Variants in CFAP46 observed in about 807,000 individuals in gnomAD.
The protein encoded by CFAP46 is cilia- and flagella-associated protein 46.
Under a neutral mutation model 325.7 loss-of-function variants are expected in CFAP46, and 245 were observed. The observed-to-expected ratio is 0.75, with a 90% CI of 0.68 to 0.84. The LOEUF (loss-of-function observed/expected upper bound fraction) is 0.84. CFAP46 is among the 40% of genes least tolerant of loss of function. CFAP46 has a pLI of 0.00. For synonymous variants in CFAP46, 1,523 were observed against 1,495.9 expected (o/e 1.02, Z -0.42); for missense variants, 3,346 against 3,543.0 (o/e 0.94, Z 1.41).
chr10:132,875,901 T>C (rs1848951678), intron 31 of CFAP46, among the ~76,000 whole-genome samples: 1 of 152,188 alleles, frequency 6.6e-6, no homozygotes, highest in African/African-American at 2.4e-5. Flanking sequence ...TAATCCCTGT[T>C]CCCAAAAAGA....
At chr10:132,810,385 G>T in intron 57 of CFAP46, 24 bp downstream of exon 57, 1 of 1,608,974 alleles carries the variant, frequency 6.2e-7, no homozygotes, top group Non-Finnish European at 8.5e-7. Flanking sequence ...GAAGGCCGCG[G>T]GGTGCAGGCC....
intron 8 of CFAP46, among the ~76,000 whole-genome samples, chr10:132,930,558 C>T (rs1849880596): frequency 7.3e-6 from 1 of 137,220 alleles, no homozygotes; most frequent in Non-Finnish European, 1.6e-5. Context: ...GCACACAGAG[C>T]CTGGGCCTTC....
chr10:132,837,927 A>ACGTGTGCACG (rs1266267777), intron 44 of CFAP46, among the ~76,000 whole-genome samples: 1 of 150,962 alleles, frequency 6.6e-6, no homozygotes, highest in Admixed American at 6.6e-5. Context: ...CCAGACACGC[A>ACGTGTGCACG]GACATGCACG....
At chr10:132,852,567 T>C (rs1256582466) in intron 39 of CFAP46, among the ~76,000 whole-genome samples, 2 of 152,204 alleles carry the variant, frequency 1.3e-5, no homozygotes, top group African/African-American at 2.4e-5. Context: ...GGTATGTTTC[T>C]CTATTTACTT....
chr10:132,835,217 C>T, intron 47 of CFAP46, 87 bp downstream of exon 47: 1 of 1,547,454 alleles, frequency 6.5e-7, no homozygotes, highest in Non-Finnish European at 8.7e-7. Flanking sequence ...GCGCCCCGCC[C>T]CTCCCCCCAC....
rs1849815313 is a variant in CFAP46, at chr10:132,926,589, C to T, written c.1044G>A (p.Val348=). 1 of 1,536,088 alleles carries T rather than the reference C, an allele frequency of 6.5e-7. No homozygotes were observed. The highest frequency in any genetic ancestry group is 8.7e-7 in the Non-Finnish European group (1 of 1,146,832). ...TGACCTCAACAGCCGCTCGGTTGTA[C>T]ACTTTCATCTTACTTTCAAGTCTTA... ...EALRLESKMK[V]YNRAAVEAQL... is the part of the protein sequence containing the mutation. The change falls in exon 10 of 58, where the codon GTG becomes GTA. Residue 348 remains valine (V), a synonymous_variant. Coordinates refer to ENST00000368586, the MANE Select transcript of CFAP46 (RefSeq NM_001200049.3).
Position 132,910,181 on chromosome 10 carries a change from G to A in CFAP46, c.2500-113C>T. The A allele has an allele frequency of 4.5e-6, 5 of 1,117,224 alleles. No individual in the cohort carries two copies. The South Asian group carries it at 1.2e-4, about 27-fold the overall frequency. The allele number at this position is 1,117,224 out of a possible 1,614,324, so 69.2% of individuals were successfully genotyped here. On this transcript the variant is annotated intron_variant, in intron 19 of 57. Coordinates refer to ENST00000368586, the MANE Select transcript of CFAP46 (RefSeq NM_001200049.3). ...GCCCGCTCCTGATCCAGCCCGTGAA[G>A]GGCCTTAAACACGAGACCTCAGGCC...
chr10:132,837,073 G>C (rs1848263735), intron 44 of CFAP46, 159 bp from the exon 45 acceptor site: 1 of 591,068 alleles, frequency 1.7e-6, no homozygotes, highest in Admixed American at 3.1e-5. Context: ...GGCCCTGCTG[G>C]AAGTGACTCG....
chr10:132,830,067 TCTC>T (rs1848124383), intron 50 of CFAP46, among the ~76,000 whole-genome samples: 1 of 152,030 alleles, frequency 6.6e-6, no homozygotes, highest in African/African-American at 2.4e-5. Context: ...GGAAGCAGAG[TCTC>T]CTCTTTTAAT....
At chr10:132,837,720 GACAC>G (rs201116941) in intron 44 of CFAP46, among the ~76,000 whole-genome samples, 1 of 105,736 alleles carries the variant, frequency 9.5e-6, no homozygotes, top group Admixed American at 1.0e-4. Flanking sequence ...GACATGCACG[GACAC>G]ACACATGCAC....
At chr10:132,896,010 C>G (rs35838474) in intron 24 of CFAP46, among the ~76,000 whole-genome samples, 4,377 of 83,732 alleles carry the variant, frequency 0.052, 318 homozygotes, top group Non-Finnish European at 0.075. Context: ...CAGCCAGGCT[C>G]TGTGTGCCAC....
intron 10 of CFAP46, among the ~76,000 whole-genome samples, chr10:132,926,118 C>T (rs1849805680): frequency 6.6e-6 from 1 of 152,254 alleles, no homozygotes; most frequent in Non-Finnish European, 1.5e-5. Flanking sequence ...AGAGGTGGGT[C>T]AAGTGCCTGT....
chr10:132,837,895 A>G (rs1299615742), intron 44 of CFAP46, among the ~76,000 whole-genome samples: 6 of 151,430 alleles, frequency 4.0e-5, no homozygotes, highest in South Asian at 2.1e-4. Context: ...ACGGACACAC[A>G]CAGATGAACA....
At chr10:132,898,131 C>T (rs1849342563) in intron 24 of CFAP46, among the ~76,000 whole-genome samples, 1 of 152,214 alleles carries the variant, frequency 6.6e-6, no homozygotes, top group Non-Finnish European at 1.5e-5. Flanking sequence ...TCAGAGTGGG[C>T]TGGTCTGGCT....
At position 132,919,915 on chromosome 10, in the gene CFAP46, G is replaced by A. The variant is rs1192152387; in HGVS notation, c.1730+144C>T. ...GGCGGGACTCCCAGGCAGGGACCTCGTCCCACCATCCTGGAGCAGGTGGCC... is the reference window on the plus strand; with the variant it reads ...GGCGGGACTCCCAGGCAGGGACCTCATCCCACCATCCTGGAGCAGGTGGCC... On this transcript the variant is annotated intron_variant, in intron 14 of 57. Coordinates refer to ENST00000368586, the MANE Select transcript of CFAP46 (RefSeq NM_001200049.3). This position sits in a 1 kb window ranked among gnomAD's most constrained non-coding sequence, Gnocchi z 9.7. 2.6e-6 allele frequency: 3 copies of A among 1,151,286 alleles called. No homozygotes were observed. The highest frequency in any genetic ancestry group is 2.3e-6 in the Non-Finnish European group (2 of 858,484). The allele number at this position is 1,151,286 out of a possible 1,614,324, so 71.3% of individuals were successfully genotyped here. A position where few individuals can be genotyped will look rare whatever the true frequency, so the allele number is the denominator to read the frequency against.
intron 44 of CFAP46, among the ~76,000 whole-genome samples, chr10:132,845,072 G>A (rs889301423): frequency 6.6e-6 from 1 of 152,126 alleles, no homozygotes; most frequent in Non-Finnish European, 1.5e-5. Flanking sequence ...CGCCCCCAAC[G>A]CCCAGCTTAG....
chr10:132,868,017 A>G (rs1848842898), intron 33 of CFAP46, among the ~76,000 whole-genome samples: 1 of 152,164 alleles, frequency 6.6e-6, no homozygotes, highest in Non-Finnish European at 1.5e-5. Flanking sequence ...CAGCACGTCC[A>G]GAGAGGTCCT....
At chr10:132,814,349 G>A (rs1847645150) in intron 53 of CFAP46, 95 bp from the exon 54 acceptor site, 5 of 1,134,278 alleles carry the variant, frequency 4.4e-6, no homozygotes, top group African/African-American at 3.1e-5. Context: ...AGCGAATGCA[G>A]GCGCATATAT....
In CFAP46 at chr10:132,808,405, T is replaced by C; in HGVS notation, c.*16A>G. ...ACTCACAGAGACTGGCTTTTGTTGT[T>C]TGTTTAGTGGAACACTCAAATCAAA... is the stretch of plus-strand genomic sequence containing the variant. On this transcript the variant is annotated 3_prime_UTR_variant, in exon 58 of 58. Transcript: ENST00000368586. This position sits in a 1 kb window ranked among gnomAD's most constrained non-coding sequence, Gnocchi z 6.8. The C allele has an allele frequency of 6.3e-7, 1 of 1,588,970 alleles. No individual in the cohort carries two copies. Among genetic ancestry groups the C allele is most frequent in the Non-Finnish European group, 8.6e-7 (1 of 1,162,324 alleles).
Sources: gnomAD v4.1 joint callset for allele counts (sites outside exome capture counted in the v4.1 genomes callset) on GRCh38, gnomAD v4.1.1 for gene constraint, Gnocchi (gnomAD v3.1) non-coding constraint, MANE v1.5 for transcripts, NCBI Gene and HGNC (gene_info 2026-07-23, HGNC 2026-07-21) for gene names.